EPHA5: variants seen among roughly 807,000 people sequenced by gnomAD.
The protein encoded by EPHA5 is ephrin type-A receptor 5.
Under a neutral mutation model 105.0 loss-of-function variants are expected in EPHA5, and 60 were observed. The ratio of observed to expected loss-of-function variants is 0.57; its 90% confidence interval spans 0.46 to 0.71. The LOEUF is 0.71. EPHA5 is among the 30% of genes least tolerant of loss of function. The pLI is 0.00. For synonymous variants in EPHA5, 513 were observed against 449.1 expected (o/e 1.14, Z -1.80); for missense variants, 1,218 against 1,274.7 (o/e 0.96, Z 0.68).
chr4:65,384,332 C>G (rs1719879027), intron 8 of EPHA5, among the ~76,000 whole-genome samples: 1 of 151,996 alleles, frequency 6.6e-6, no homozygotes, highest in African/African-American at 2.4e-5. Context: ...GATTTCTTCT[C>G]AATTTGTTCC....
intron 8 of EPHA5, among the ~76,000 whole-genome samples, chr4:65,367,726 CTTTAT>C (rs1718056995): frequency 6.6e-6 from 1 of 151,986 alleles, no homozygotes; most frequent in Admixed American, 6.6e-5. Flanking sequence ...TCCTCTTTTA[CTTTAT>C]TTTATTTTTA....
chr4:65,511,879 A>C (rs918319072), intron 3 of EPHA5, among the ~76,000 whole-genome samples: 1 of 152,218 alleles, frequency 6.6e-6, no homozygotes, highest in Admixed American at 6.5e-5. Context: ...TTCCATGTAC[A>C]TATGTACACT....
At chr4:65,524,935 C>G (rs1735092319) in intron 3 of EPHA5, among the ~76,000 whole-genome samples, 1 of 151,662 alleles carries the variant, frequency 6.6e-6, no homozygotes, top group Non-Finnish European at 1.5e-5. Flanking sequence ...AAAGAAAGAT[C>G]TGCTCTGTTC....
At chr4:65,424,547 A>G (rs575492331) in intron 5 of EPHA5, among the ~76,000 whole-genome samples, 1 of 152,212 alleles carries the variant, frequency 6.6e-6, no homozygotes, top group East Asian at 1.9e-4. Flanking sequence ...AATAAATACT[A>G]TTTGTAATAA....
At chr4:65,571,483 C>A (rs767328303) in intron 3 of EPHA5, among the ~76,000 whole-genome samples, 11 of 151,990 alleles carry the variant, frequency 7.2e-5, no homozygotes, top group Admixed American at 3.9e-4. Context: ...ATGAAACTGT[C>A]AATTCTTTAA....
chr4:65,654,085 C>T (rs1186301995), intron 1 of EPHA5, among the ~76,000 whole-genome samples: 1 of 151,854 alleles, frequency 6.6e-6, no homozygotes, highest in East Asian at 1.9e-4. Flanking sequence ...CTTCTCTTTC[C>T]CTTTTTCTTA....
chr4:65,387,382 T>C (rs1463712773), intron 8 of EPHA5, among the ~76,000 whole-genome samples: 3 of 151,998 alleles, frequency 2.0e-5, no homozygotes, highest in Non-Finnish European at 2.9e-5. Context: ...ATTTGAGATA[T>C]ACAGAAGTTC....
chr4:65,596,681 AACACACACAC>A (rs71205392), intron 3 of EPHA5, among the ~76,000 whole-genome samples: 9 of 150,586 alleles, frequency 6.0e-5, no homozygotes, highest in East Asian at 2.0e-4. Context: ...ACAAAAGCAG[AACACACACAC>A]ACACACACAC....
At chr4:65,595,643 C>T (rs1157098833) in intron 3 of EPHA5, among the ~76,000 whole-genome samples, 4 of 148,922 alleles carry the variant, frequency 2.7e-5, no homozygotes, top group Non-Finnish European at 4.4e-5. Flanking sequence ...TGCAGTGGCG[C>T]GATCTCCACT....
Position 65,606,174 on chromosome 4 carries a change from T to C in EPHA5, c.247-3870A>G, listed in dbSNP as rs28627800. ...TGTAACCATCAATAAGTCTTTTTTT[T>C]CTTTTGCTATATATTTTAATACTCA... is the stretch of plus-strand genomic sequence containing the variant. On this transcript the variant is annotated intron_variant, in intron 2 of 16. Coordinates refer to ENST00000613740, the MANE Select transcript of EPHA5 (RefSeq NM_001281766.3). 2.1e-3 allele frequency among the ~76,000 whole-genome samples: 315 copies of C among 152,274 alleles called. 1 individual carries two copies. Among genetic ancestry groups the C allele is most frequent in the African/African-American group, 7.0e-3 (291 of 41,546 alleles).
chr4:65,603,631 G>A (rs1443204784), intron 2 of EPHA5, among the ~76,000 whole-genome samples: 1 of 152,116 alleles, frequency 6.6e-6, no homozygotes, highest in Non-Finnish European at 1.5e-5. Flanking sequence ...AAATCTAGCT[G>A]CAACATCAGA....
Position 65,336,182 on chromosome 4 carries a change from C to T in EPHA5, c.2596-57G>A. On this transcript the variant is annotated intron_variant, in intron 14 of 16. Coordinates refer to ENST00000613740, the MANE Select transcript of EPHA5 (RefSeq NM_001281766.3). ...ACACCACAAATTTAGTATAGAATAG[C>T]TTTAAAAATGTCCCACTGTCCAACT... 6 of 1,396,062 alleles carry T rather than the reference C, an allele frequency of 4.3e-6. No homozygotes were observed. In the South Asian group the frequency reaches 4.8e-5, roughly 11 times the overall value. The allele number at this position is 1,396,062 out of a possible 1,614,324, so 86.5% of individuals were successfully genotyped here. A position where few individuals can be genotyped will look rare whatever the true frequency, so the allele number is the denominator to read the frequency against.
chr4:65,595,097 T>C (rs1440389365), intron 3 of EPHA5, among the ~76,000 whole-genome samples: 1 of 151,310 alleles, frequency 6.6e-6, no homozygotes, highest in Non-Finnish European at 1.5e-5. Context: ...CTGTTTCCCA[T>C]ACTTTTCACA....
intron 8 of EPHA5, among the ~76,000 whole-genome samples, chr4:65,370,072 C>G (rs1010197236): frequency 1.3e-5 from 2 of 152,066 alleles, no homozygotes; most frequent in Admixed American, 6.6e-5. Context: ...AGTAATATTC[C>G]TAACACATAT....
chr4:65,465,437 A>AAAGAAAGAAAGG (rs1291227576), intron 5 of EPHA5, among the ~76,000 whole-genome samples: 18 of 35,706 alleles, frequency 5.0e-4, no homozygotes, highest in African/African-American at 1.5e-3. Flanking sequence ...CCACCCCTCT[A>AAAGAAAGAAAGG]AAGAAAGAAA....
At chr4:65,339,214 A>G (rs796933278) in intron 14 of EPHA5, among the ~76,000 whole-genome samples, 17 of 152,188 alleles carry the variant, frequency 1.1e-4, no homozygotes, top group African/African-American at 3.9e-4. Flanking sequence ...CTTCTATCAC[A>G]TAAGTGTCAT....
At chr4:65,479,308 C>T (rs1320407890) in intron 5 of EPHA5, among the ~76,000 whole-genome samples, 1 of 151,980 alleles carries the variant, frequency 6.6e-6, no homozygotes, top group African/African-American at 2.4e-5. Flanking sequence ...AATCAAAAAG[C>T]TAGTTAGTAG....
chr4:65,352,124 T>A (rs557960605), intron 12 of EPHA5, among the ~76,000 whole-genome samples: 70 of 152,014 alleles, frequency 4.6e-4, no homozygotes, highest in Non-Finnish European at 7.9e-4. Context: ...TCAGTTACAT[T>A]AACTCATAAG....
At position 65,669,902 on chromosome 4, in the gene EPHA5, G is replaced by C; in HGVS notation, c.-160C>G. 1 of 1,113,396 alleles carries C rather than the reference G, an allele frequency of 9.0e-7. No homozygotes were observed. 69.0% of individuals were successfully genotyped at this position (1,113,396 alleles called of 1,614,324 possible). A position where few individuals can be genotyped will look rare whatever the true frequency, so the allele number is the denominator to read the frequency against. ...CTCCAAATGTAGGAACCACGGATCCGGCTGAGACAGCTGAAGTTTGCTTCT... is the reference window on the plus strand; with the variant it reads ...CTCCAAATGTAGGAACCACGGATCCCGCTGAGACAGCTGAAGTTTGCTTCT... On this transcript the variant is annotated 5_prime_UTR_variant, in exon 1 of 17. Coordinates refer to ENST00000613740, the MANE Select transcript of EPHA5 (RefSeq NM_001281766.3).
Sources: gnomAD v4.1 joint callset for allele counts (sites outside exome capture counted in the v4.1 genomes callset) on GRCh38, gnomAD v4.1.1 for gene constraint, MANE v1.5 for transcripts, NCBI Gene and HGNC (gene_info 2026-07-23, HGNC 2026-07-21) for gene names.